Variants in ZZEF1 observed in about 807,000 individuals in gnomAD.
ZZEF1 encodes zinc finger ZZ-type and EF-hand domain-containing protein 1.
ZZEF1 carries 157 observed loss-of-function variants against 342.8 expected under a neutral mutation model. The observed-to-expected ratio is 0.46, with a 90% CI of 0.40 to 0.52. The LOEUF is 0.52. Ranked by LOEUF, ZZEF1 falls within the 20% of genes least tolerant of loss-of-function variation. ZZEF1 has a pLI of 0.00. For missense variants in ZZEF1, 3,480 were observed against 3,725.6 expected, an observed-to-expected ratio of 0.93 and a Z score of 1.72; for synonymous variants, 1,505 against 1,429.1, an observed-to-expected ratio of 1.05 and a Z score of -1.20.
At chr17:4,086,721 A>T in intron 14 of ZZEF1, 66 bp from the exon 15 acceptor site, 1 of 1,552,900 alleles carries the variant, frequency 6.4e-7, no homozygotes, top group Non-Finnish European at 8.8e-7. Flanking sequence ...AAAGCCATAT[A>T]GCTGTCTACA....
chr17:4,036,457 G>A (rs187932568), intron 39 of ZZEF1, among the ~76,000 whole-genome samples: 8 of 152,042 alleles, frequency 5.3e-5, no homozygotes, highest in African/African-American at 1.2e-4. Context: ...CTCTAAGGCC[G>A]GGCGCGGTGG....
chr17:4,117,598 A>C (rs1404233625), intron 2 of ZZEF1, among the ~76,000 whole-genome samples: 2 of 140,912 alleles, frequency 1.4e-5, no homozygotes, highest in African/African-American at 5.3e-5. Context: ...CAGTGAGCCC[A>C]GATCACGCCA....
rs111759767 is a variant in ZZEF1 at position 4,049,422 on chromosome 17, G to A, written c.6015+286C>T. ...AGGTACTCAGAAGGATGAAGTGGGA[G>A]GATCACTTCAGCCTGGGGAGGTCAA... On this transcript the variant is annotated intron_variant, in intron 37 of 54. Transcript: ENST00000381638. 6.9e-3 allele frequency among the ~76,000 whole-genome samples: 1,045 copies of A among 152,276 alleles called. 17 individuals are homozygous for A. The highest frequency in any genetic ancestry group is 0.024 in the African/African-American group (1,003 of 41,556).
chr17:4,017,187 T>C lies in ZZEF1; in HGVS notation c.8001+184A>G, dbSNP rs2056127992. The C allele has an allele frequency of 2.3e-5, 19 of 812,652 alleles. No homozygotes were observed. In the South Asian group the frequency reaches 3.8e-4, roughly 16 times the overall value. The allele number at this position is 812,652 out of a possible 1,614,324, so 50.3% of individuals were successfully genotyped here. ...AGCTGGAAATCGCGCTCAGGGCCCCTGAGTTCCTCACTAGCCCAATCCTTG... is the reference window on the plus strand; with the variant it reads ...AGCTGGAAATCGCGCTCAGGGCCCCCGAGTTCCTCACTAGCCCAATCCTTG... On this transcript the variant is annotated intron_variant, in intron 48 of 54. Coordinates refer to ENST00000381638, the MANE Select transcript of ZZEF1 (RefSeq NM_015113.4). The surrounding 1 kb of genome is among the most constrained non-coding windows in gnomAD (Gnocchi z 5.1).
intron 17 of ZZEF1, among the ~76,000 whole-genome samples, chr17:4,082,154 T>C (rs1041967573): frequency 6.6e-5 from 10 of 152,220 alleles, no homozygotes; most frequent in African/African-American, 2.4e-4. Flanking sequence ...CCTACATTCC[T>C]TTGGCTTCAG....
intron 13 of ZZEF1, among the ~76,000 whole-genome samples, chr17:4,088,115 A>G (rs189595710): frequency 5.7e-4 from 87 of 152,246 alleles, no homozygotes; most frequent in Non-Finnish European, 5.3e-4. Flanking sequence ...GGACACTGCT[A>G]TACACTACAC....
intron 3 of ZZEF1, among the ~76,000 whole-genome samples, chr17:4,114,681 T>C (rs1047199041): frequency 3.3e-5 from 5 of 152,194 alleles, no homozygotes; most frequent in African/African-American, 1.2e-4. Flanking sequence ...CTCAAACTGT[T>C]ACGTCATTGG....
intron 23 of ZZEF1, among the ~76,000 whole-genome samples, chr17:4,074,605 C>T (rs934537225): frequency 3.3e-5 from 5 of 152,188 alleles, no homozygotes; most frequent in African/African-American, 9.7e-5. Context: ...TGTCCACTAC[C>T]GACTCAGCCA....
Position 4,105,746 on chromosome 17 carries a change from G to C in ZZEF1, c.1341C>G (p.Phe447Leu), listed in dbSNP as rs143093880. ...LSPGSTDFST[F>L]LSPNVLEEVD... Reference sequence around the variant, plus strand: ...CTTCTTCCAGCACATTAGGGGAGAGGAAAGTTGAGAAATCTGTAGATCCTG... The same window carrying C: ...CTTCTTCCAGCACATTAGGGGAGAGCAAAGTTGAGAAATCTGTAGATCCTG... The change falls in exon 7 of 55, where the codon TTC becomes TTG. Residue 447 changes from phenylalanine to leucine, a missense_variant. Coordinates refer to ENST00000381638, the MANE Select transcript of ZZEF1 (RefSeq NM_015113.4). 41 of 1,613,192 alleles carry C rather than the reference G, an allele frequency of 2.5e-5. No homozygotes were observed. The highest frequency in any genetic ancestry group is 3.3e-4 in the Middle Eastern group (2 of 6,080).
In ZZEF1 at chr17:4,066,427, G is replaced by A. The variant is rs2057397763; in HGVS notation, c.4249+20C>T. ...GAAAACAGAAGGCTCAGGGACAACA[G>A]CTGGTGTTAGCACACTCACCCAGGC... On this transcript the variant is annotated intron_variant, in intron 28 of 54. Transcript: ENST00000381638. 2 of 1,611,796 alleles carry A rather than the reference G, an allele frequency of 1.2e-6. No homozygotes were observed. The highest frequency in any genetic ancestry group is 4.5e-5 in the East Asian group (2 of 44,876).
At chr17:4,112,905 T>G (rs897082682) in intron 4 of ZZEF1, 97 bp from the exon 5 acceptor site, 25 of 1,104,452 alleles carry the variant, frequency 2.3e-5, no homozygotes, top group Admixed American at 3.2e-5. Context: ...ATTTGATATA[T>G]CCAAAGACTG....
intron 2 of ZZEF1, among the ~76,000 whole-genome samples, chr17:4,120,590 T>C (rs1486645749): frequency 6.6e-6 from 1 of 152,172 alleles, no homozygotes; most frequent in Non-Finnish European, 1.5e-5. Flanking sequence ...TCCACAGTAA[T>C]ACCTGAGCTT....
intron 25 of ZZEF1, 50 bp downstream of exon 25, chr17:4,072,558 C>G (rs1364746629): frequency 6.4e-7 from 1 of 1,553,092 alleles, no homozygotes; most frequent in Non-Finnish European, 8.7e-7. Context: ...GTAATAAATA[C>G]TTGCAGGCAG....
chr17:4,132,268 C>T (rs1249100256), intron 1 of ZZEF1, among the ~76,000 whole-genome samples: 2 of 151,054 alleles, frequency 1.3e-5, no homozygotes, highest in Non-Finnish European at 2.9e-5. Context: ...ACTTCAACCT[C>T]GGCCTCCAGA....
rs1018009140 is a variant in ZZEF1 at position 4,102,521 on chromosome 17, C to T, written c.1574-106G>A. On this transcript the variant is annotated intron_variant, in intron 8 of 54. Transcript: ENST00000381638. ...GTCCTGTGGCTACCCAGACTGCTAA[C>T]TAAAAATCTCCCTGTTTAAAAGCTG... 2.4e-5 allele frequency: 22 copies of T among 900,088 alleles called. No homozygotes were observed. The East Asian group carries it at 3.3e-4, about 13-fold the overall frequency. The allele number at this position is 900,088 out of a possible 1,614,324, so 55.8% of individuals were successfully genotyped here.
rs1597753238 is a variant in ZZEF1, at chr17:4,013,436, G to A, written c.8579+13C>T. The A allele has an allele frequency of 6.3e-7, 1 of 1,589,758 alleles. No homozygotes were observed. The highest frequency in any genetic ancestry group is 8.6e-7 in the Non-Finnish European group (1 of 1,164,848). On this transcript the variant is annotated intron_variant, in intron 52 of 54. Coordinates refer to ENST00000381638, the MANE Select transcript of ZZEF1 (RefSeq NM_015113.4). ...ATGCCTGGCAAAGGGCTGCCATCCG[G>A]GACACCGCTTACCTGTGGCCGCAGC...
At chr17:4,128,951 T>G (rs9914759) in intron 1 of ZZEF1, among the ~76,000 whole-genome samples, 22,384 of 151,042 alleles carry the variant, frequency 0.15, 1,773 homozygotes, top group African/African-American at 0.2. Flanking sequence ...GCGTTTTTAG[T>G]AGAGATGGGG....
chr17:4,023,195 C>T (rs1357920206), intron 43 of ZZEF1, among the ~76,000 whole-genome samples: 1 of 152,198 alleles, frequency 6.6e-6, no homozygotes, highest in African/African-American at 2.4e-5. Flanking sequence ...GCGTGTAATG[C>T]TCTGTCCAGT....
chr17:4,029,917 C>T (rs1229433085), intron 42 of ZZEF1, among the ~76,000 whole-genome samples: 3 of 147,152 alleles, frequency 2.0e-5, no homozygotes, highest in African/African-American at 7.5e-5. Flanking sequence ...GAAAAGCAGC[C>T]AGGTGTGGTA....
Sources: allele counts gnomAD v4.1 joint callset (sites outside exome capture counted in the v4.1 genomes callset), GRCh38; gene constraint gnomAD v4.1.1; non-coding constraint Gnocchi (gnomAD v3.1); transcripts MANE v1.5; gene names NCBI Gene and HGNC (gene_info 2026-07-23, HGNC 2026-07-21).